CHST11: variants seen among roughly 807,000 people sequenced by gnomAD.
The protein encoded by CHST11 is C4S-1.
In CHST11, 9 loss-of-function variants were observed where a neutral mutation model predicts 30.4. The observed-to-expected ratio is 0.30, with a 90% confidence interval of 0.18 to 0.52. The LOEUF (loss-of-function observed/expected upper bound fraction) is 0.52. Among genes scored for constraint, CHST11 ranks in the 20% least tolerant of loss-of-function variants. CHST11 has a pLI of 0.97. For missense variants in CHST11, 348 were observed against 460.6 expected, an observed-to-expected ratio of 0.76 and a Z score of 2.24; for synonymous variants, 152 against 187.8, an observed-to-expected ratio of 0.81 and a Z score of 1.56.
At chr12:104,686,595 C>G (rs557645235) in intron 2 of CHST11, among the ~76,000 whole-genome samples, 1 of 152,320 alleles carries the variant, frequency 6.6e-6, no homozygotes, top group South Asian at 2.1e-4. Flanking sequence ...TACAAAGTAA[C>G]TGCTAAGTAG....
intron 2 of CHST11, among the ~76,000 whole-genome samples, chr12:104,607,717 G>A (rs2039020309): frequency 6.6e-6 from 1 of 152,134 alleles, no homozygotes; most frequent in Non-Finnish European, 1.5e-5. Flanking sequence ...GTGATGCCAG[G>A]GGCGGATCGG....
chr12:104,743,394 C>T (rs1441027551), intron 2 of CHST11, among the ~76,000 whole-genome samples: 14 of 152,004 alleles, frequency 9.2e-5, no homozygotes, highest in Admixed American at 8.5e-4. Context: ...TGCAGTTGCC[C>T]ACAGGTTCCA....
intron 2 of CHST11, among the ~76,000 whole-genome samples, chr12:104,713,617 C>A (rs1301915805): frequency 1.3e-5 from 2 of 152,184 alleles, no homozygotes; most frequent in African/African-American, 4.8e-5. Flanking sequence ...CACCTCCTCC[C>A]AAAGGAGTCC....
intron 2 of CHST11, among the ~76,000 whole-genome samples, chr12:104,706,221 TA>T (rs1186167133): frequency 1.4e-4 from 20 of 147,542 alleles, no homozygotes. Context: ...CTGTCTCTAT[TA>T]AAAATACAAA....
At chr12:104,490,666 G>A (rs2037736318) in intron 1 of CHST11, among the ~76,000 whole-genome samples, 1 of 152,182 alleles carries the variant, frequency 6.6e-6, no homozygotes, top group South Asian at 2.1e-4. Flanking sequence ...TGCTGTTGCT[G>A]AACATTGGTC....
chr12:104,597,889 G>A (rs1020568945), intron 1 of CHST11, among the ~76,000 whole-genome samples: 5 of 152,206 alleles, frequency 3.3e-5, no homozygotes, highest in Non-Finnish European at 1.5e-5. Context: ...ACCCAGTGTG[G>A]CAGCTGAGAC....
intron 1 of CHST11, among the ~76,000 whole-genome samples, chr12:104,544,769 T>TCCCCCCCCGCCCTC (rs199741884): frequency 3.9e-5 from 2 of 51,414 alleles, no homozygotes; most frequent in African/African-American, 5.3e-5. Flanking sequence ...GGGGTCACAG[T>TCCCCCCCCGCCCTC]CCCCCCACCC....
At chr12:104,742,564 G>A (rs1412454029) in intron 2 of CHST11, among the ~76,000 whole-genome samples, 2 of 152,162 alleles carry the variant, frequency 1.3e-5, no homozygotes, top group South Asian at 4.1e-4. Flanking sequence ...CCTGTTCCGG[G>A]CCACCATTCA....
At chr12:104,460,513 A>T (rs1228855689) in intron 1 of CHST11, among the ~76,000 whole-genome samples, 1 of 151,936 alleles carries the variant, frequency 6.6e-6, no homozygotes, top group African/African-American at 2.4e-5. Flanking sequence ...AAAATACAAA[A>T]ATTAGCTGGG....
At chr12:104,536,627 CTT>C (rs1313978753) in intron 1 of CHST11, among the ~76,000 whole-genome samples, 2 of 152,226 alleles carry the variant, frequency 1.3e-5, no homozygotes, top group East Asian at 3.8e-4. Flanking sequence ...CTCTGCCTGT[CTT>C]TTCATTGCTC....
intron 1 of CHST11, among the ~76,000 whole-genome samples, chr12:104,587,060 T>A (rs1399009666): frequency 1.3e-5 from 2 of 152,198 alleles, no homozygotes; most frequent in Non-Finnish European, 2.9e-5. Flanking sequence ...ACTCACACCC[T>A]CCGCCCCTTA....
At position 104,755,201 on chromosome 12, in the gene CHST11, G is replaced by A. The variant is rs550306132; in HGVS notation, c.205-1748G>A. Among the ~76,000 whole-genome samples the A allele has an allele frequency of 6.6e-5, 10 of 152,268 alleles. 1 individual carries two copies. The highest frequency in any genetic ancestry group is 6.5e-4 in the Admixed American group (10 of 15,292). On this transcript the variant is annotated intron_variant, in intron 2 of 2. Coordinates refer to ENST00000303694, the MANE Select transcript of CHST11 (RefSeq NM_018413.6). Reference sequence around the variant, plus strand: ...TTGGAGGAGCAGGGGCAGATACTTGGGTTGCACTCAAGTCCTAGGCTCTAC... The same window carrying A: ...TTGGAGGAGCAGGGGCAGATACTTGAGTTGCACTCAAGTCCTAGGCTCTAC...
chr12:104,471,001 T>A (rs970244433), intron 1 of CHST11, among the ~76,000 whole-genome samples: 1 of 152,088 alleles, frequency 6.6e-6, no homozygotes, highest in African/African-American at 2.4e-5. Flanking sequence ...GAGCTCATCC[T>A]CTCTTGGGGC....
In CHST11 at chr12:104,569,351, C is replaced by T. The variant is rs575276843; in HGVS notation, c.119-32555C>T. Among the ~76,000 whole-genome samples, 38 of 152,264 alleles carry T rather than the reference C, an allele frequency of 2.5e-4. No individual in the cohort carries two copies. In the South Asian group the frequency reaches 7.3e-3, roughly 29 times the overall value. On this transcript the variant is annotated intron_variant, in intron 1 of 2. Transcript: ENST00000303694. ...ATTTTATATTCTGAATAAAAAAATG[C>T]ACACAACAAAAACAACCAGATACAT...
chr12:104,560,442 A>T (rs1290442213), intron 1 of CHST11, among the ~76,000 whole-genome samples: 1 of 152,088 alleles, frequency 6.6e-6, no homozygotes, highest in Non-Finnish European at 1.5e-5. Flanking sequence ...CTAGGAATTC[A>T]GTCTTTGATG....
At chr12:104,664,569 C>G (rs1375588202) in intron 2 of CHST11, among the ~76,000 whole-genome samples, 1 of 152,096 alleles carries the variant, frequency 6.6e-6, no homozygotes, top group African/African-American at 2.4e-5. Flanking sequence ...GCAAACAGCC[C>G]CAGTCCCTCC....
intron 1 of CHST11, among the ~76,000 whole-genome samples, chr12:104,519,847 C>G (rs1427102625): frequency 1.3e-5 from 2 of 152,234 alleles, no homozygotes; most frequent in Non-Finnish European, 2.9e-5. Context: ...AGGACCAGGA[C>G]AGCTGTTCTG....
At chr12:104,524,136 C>T (rs559287880) in intron 1 of CHST11, among the ~76,000 whole-genome samples, 3 of 149,752 alleles carry the variant, frequency 2.0e-5, no homozygotes, top group South Asian at 2.1e-4. Flanking sequence ...ATTTTTCTTG[C>T]GAATAAATGT....
At chr12:104,628,244 C>T (rs531697530) in intron 2 of CHST11, among the ~76,000 whole-genome samples, 9 of 152,148 alleles carry the variant, frequency 5.9e-5, no homozygotes, top group Non-Finnish European at 1.2e-4. Flanking sequence ...CCAACGGTCC[C>T]GTTCTTCCTG....
Sources: gnomAD v4.1 joint callset for allele counts (sites outside exome capture counted in the v4.1 genomes callset) on GRCh38, gnomAD v4.1.1 for gene constraint, MANE v1.5 for transcripts, NCBI Gene and HGNC (gene_info 2026-07-23, HGNC 2026-07-21) for gene names.